Variants in EEF1E1 observed in about 807,000 individuals in gnomAD.
The protein encoded by EEF1E1 is eukaryotic translation elongation factor 1 epsilon-1.
A neutral mutation model predicts 19.9 loss-of-function variants in EEF1E1; 19 were observed. The observed-to-expected ratio is 0.95, with a 90% CI of 0.66 to 1.40. EEF1E1 has a LOEUF of 1.40. Ranked by LOEUF, EEF1E1 falls within the 40% of genes most tolerant of loss-of-function variation. EEF1E1 has a pLI of 0.00. For synonymous variants in EEF1E1, 81 were observed against 80.0 expected (o/e 1.01, Z -0.07); for missense variants, 198 against 202.2 (o/e 0.98, Z 0.13).
chr6:8,087,322 A>T lies in EEF1E1; in HGVS notation c.384+2864T>A, dbSNP rs185377857. Among the ~76,000 whole-genome samples, 271 of 152,282 alleles carry T rather than the reference A, an allele frequency of 1.8e-3. 3 individuals carry two copies. Among genetic ancestry groups the T allele is most frequent in the African/African-American group, 6.3e-3 (260 of 41,576 alleles). On this transcript the variant is annotated intron_variant, in intron 3 of 3. Transcript: ENST00000379715. ...AACCTCTTCCTCCTGGGTTCAAGCA[A>T]TTCTCCTGCCTCAGCCTCTGGAGTA...
chr6:8,102,321 G>C, intron 1 of EEF1E1, 114 bp downstream of exon 1: 3 of 1,118,428 alleles, frequency 2.7e-6, no homozygotes, highest in Non-Finnish European at 3.7e-6. Flanking sequence ...GTGGGGAGCT[G>C]GGTAGCAGCA....
intron 1 of EEF1E1, 24 bp from the exon 2 acceptor site, chr6:8,097,491 AGAATTT>A: frequency 2.5e-6 from 4 of 1,591,426 alleles, no homozygotes; most frequent in Non-Finnish European, 3.4e-6. Flanking sequence ...AAAAGTTCAC[AGAATTT>A]AAAAAACAAG....
intron 2 of EEF1E1, among the ~76,000 whole-genome samples, chr6:8,096,952 G>A (rs993618632): frequency 2.6e-5 from 4 of 152,104 alleles, no homozygotes; most frequent in African/African-American, 9.7e-5. Flanking sequence ...AACAAAAAAA[G>A]TCATATAATA....
intron 2 of EEF1E1, among the ~76,000 whole-genome samples, chr6:8,091,593 A>G (rs776703251): frequency 2.8e-4 from 42 of 152,224 alleles, no homozygotes; most frequent in Non-Finnish European, 5.9e-4. Context: ...CTGGCAGAAC[A>G]GCATGAATAC....
downstream of EEF1E1, among the ~76,000 whole-genome samples, chr6:8,079,230 T>C (rs1434491831): frequency 1.3e-5 from 2 of 152,174 alleles, no homozygotes; most frequent in African/African-American, 4.8e-5. Context: ...GGAGGAAGAA[T>C]TTCCCATCTC....
At chr6:8,077,002 GC>G (rs200012026), downstream of EEF1E1, among the ~76,000 whole-genome samples, 115,902 of 148,504 alleles carry the variant, frequency 0.78, 45,458 homozygotes, top group East Asian at 0.92. Flanking sequence ...GAGTGCAGTG[GC>G]AGCGATCTCG....
At chr6:8,088,718 AAT>A (rs1395561197) in intron 3 of EEF1E1, among the ~76,000 whole-genome samples, 4 of 152,226 alleles carry the variant, frequency 2.6e-5, no homozygotes, top group African/African-American at 9.6e-5. Context: ...GACTAATACA[AAT>A]GGTTTGGCCT....
At chr6:8,101,243 A>AAAAAAAAAATATAT (rs1271033598) in intron 1 of EEF1E1, among the ~76,000 whole-genome samples, 3 of 58,464 alleles carry the variant, frequency 5.1e-5, no homozygotes, top group African/African-American at 7.9e-5. Flanking sequence ...AAAAAAAAAA[A>AAAAAAAAAATATAT]ATATATATAT....
At position 8,097,456 on chromosome 6, in the gene EEF1E1, A is replaced by C; in HGVS notation, c.99T>G (p.Leu33=). Reference sequence around the variant, plus strand: ...TTAGACTTGGACCATTGTTTGTCTGAAGAACTGGAATCTTAAAAAGAAAAA... The same window carrying C: ...TTAGACTTGGACCATTGTTTGTCTGCAGAACTGGAATCTTAAAAAGAAAAA... ...SAQGERQIPV[L]QTNNGPSLTG... Residue 33 remains leucine (L), a synonymous_variant, in exon 2 of 4, where the codon CTT becomes CTG. Coordinates refer to ENST00000379715, the MANE Select transcript of EEF1E1 (RefSeq NM_004280.5). 1 of 1,612,792 alleles carries C rather than the reference A, an allele frequency of 6.2e-7. No individual in the cohort carries two copies. Among genetic ancestry groups the C allele is most frequent in the Non-Finnish European group, 8.5e-7 (1 of 1,179,522 alleles).
chr6:8,102,344 C>A, intron 1 of EEF1E1, 91 bp downstream of exon 1: 1 of 1,312,738 alleles, frequency 7.6e-7, no homozygotes, highest in Non-Finnish European at 1.0e-6. Flanking sequence ...CTCACTCCGC[C>A]CGTATCTGGT....
intron 1 of EEF1E1, among the ~76,000 whole-genome samples, chr6:8,100,973 C>A (rs1363555172): frequency 6.7e-6 from 1 of 148,802 alleles, no homozygotes; most frequent in East Asian, 1.9e-4. Flanking sequence ...CGCCTGTAAT[C>A]CCAGCACTTT....
intron 3 of EEF1E1, among the ~76,000 whole-genome samples, chr6:8,084,089 A>G (rs2113641539): frequency 6.6e-6 from 1 of 152,360 alleles, no homozygotes; most frequent in African/African-American, 2.4e-5. Context: ...GATGGTCAAC[A>G]GTGATTTACA....
Position 8,079,446 on chromosome 6 carries a change from A to C in EEF1E1, c.*444T>G. 1.0e-6 allele frequency: 1 copy of C among 989,408 alleles called. No homozygotes were observed. Among genetic ancestry groups the C allele is most frequent in the Non-Finnish European group, 1.2e-6 (1 of 831,962 alleles). 61.3% of individuals were successfully genotyped at this position (989,408 alleles called of 1,614,324 possible). On this transcript the variant is annotated 3_prime_UTR_variant, in exon 4 of 4. Coordinates refer to ENST00000379715, the MANE Select transcript of EEF1E1 (RefSeq NM_004280.5). ...CACATAAATATTTTAAAACAAATCC[A>C]TCTGTCTTCCCTTTTGGCTTCCTTG...
chr6:8,085,342 C>T (rs1374318011), intron 3 of EEF1E1, among the ~76,000 whole-genome samples: 3 of 150,956 alleles, frequency 2.0e-5, no homozygotes, highest in South Asian at 2.1e-4. Flanking sequence ...TAAATAGAGA[C>T]GGGTTTTGCC....
intron 1 of EEF1E1, among the ~76,000 whole-genome samples, chr6:8,100,638 T>C (rs55674242): frequency 0.19 from 28,322 of 152,074 alleles, 2,852 homozygotes; most frequent in Admixed American, 0.25. Flanking sequence ...AGCACACAAC[T>C]GAAGTACTAT....
downstream of EEF1E1, among the ~76,000 whole-genome samples, chr6:8,076,942 TTTTTG>T (rs1292559943): frequency 2.5e-5 from 3 of 120,658 alleles, no homozygotes; most frequent in South Asian, 2.7e-4. Flanking sequence ...TTTGTTTTTG[TTTTTG>T]TTTTTTTTTT....
intron 2 of EEF1E1, 142 bp from the exon 3 acceptor site, chr6:8,090,423 T>G: frequency 1.6e-6 from 1 of 630,578 alleles, no homozygotes; most frequent in South Asian, 7.0e-5. Flanking sequence ...ACATTAATAT[T>G]CATTCAAAAT....
chr6:8,085,930 A>C (rs1021284535), intron 3 of EEF1E1, among the ~76,000 whole-genome samples: 25 of 152,180 alleles, frequency 1.6e-4, no homozygotes, highest in Admixed American at 1.2e-3. Context: ...TTCTTCAATA[A>C]GATTAATATG....
At chr6:8,091,308 T>C (rs1256133908) in intron 2 of EEF1E1, among the ~76,000 whole-genome samples, 1 of 152,244 alleles carries the variant, frequency 6.6e-6, no homozygotes, top group Non-Finnish European at 1.5e-5. Flanking sequence ...TCTTTTCATA[T>C]GCTTGCTGGC....
Sources: allele counts gnomAD v4.1 joint callset (sites outside exome capture counted in the v4.1 genomes callset), GRCh38; gene constraint gnomAD v4.1.1; transcripts MANE v1.5; gene names NCBI Gene and HGNC (gene_info 2026-07-23, HGNC 2026-07-21).